The following RIMS2 variants were observed in gnomAD, a reference collection of about 807,000 sequenced individuals.
RIMS2 encodes regulating synaptic membrane exocytosis 2.
In RIMS2, 59 loss-of-function variants were observed where a neutral mutation model predicts 174.4. That is an observed-to-expected ratio of 0.34 (90% confidence interval 0.27 to 0.42). The LOEUF (loss-of-function observed/expected upper bound fraction) is 0.42. Among genes scored for constraint, RIMS2 ranks in the 10% least tolerant of loss-of-function variants. RIMS2 has a pLI of 1.00. For missense variants in RIMS2, 1,620 were observed against 1,666.3 expected (o/e 0.97, Z 0.48); for synonymous variants, 606 against 572.5 (o/e 1.06, Z -0.84).
At chr8:104,252,092 C>A, downstream of RIMS2, 2 of 469,088 alleles carry the variant, frequency 4.3e-6, no homozygotes. Flanking sequence ...ATGGATTAAT[C>A]TCAAAGAATC....
intron 14 of RIMS2, among the ~76,000 whole-genome samples, chr8:103,954,025 A>T (rs1048483068): frequency 2.0e-5 from 3 of 152,228 alleles, no homozygotes; most frequent in African/African-American, 7.2e-5. Flanking sequence ...ACATAATGGT[A>T]AAGGGTTCAA....
intron 1 of RIMS2, among the ~76,000 whole-genome samples, chr8:103,585,475 A>T (rs1302877963): frequency 2.0e-5 from 3 of 152,182 alleles, no homozygotes; most frequent in Non-Finnish European, 4.4e-5. Context: ...AAGACTTGAA[A>T]CCAACACAAA....
intron 1 of RIMS2, among the ~76,000 whole-genome samples, chr8:103,620,981 A>T (rs964270715): frequency 4.6e-5 from 7 of 152,212 alleles, no homozygotes; most frequent in African/African-American, 1.7e-4. Flanking sequence ...ATGTGACTAT[A>T]TTATATATTT....
chr8:104,240,608 T>C (rs1343704372), intron 19 of RIMS2, among the ~76,000 whole-genome samples: 2 of 152,206 alleles, frequency 1.3e-5, no homozygotes, highest in African/African-American at 4.8e-5. Flanking sequence ...CCTCAATGTA[T>C]GCTGTTAATC....
intron 1 of RIMS2, among the ~76,000 whole-genome samples, chr8:103,610,163 G>C (rs2095316742): frequency 6.6e-6 from 1 of 151,688 alleles, no homozygotes; most frequent in African/African-American, 2.4e-5. Flanking sequence ...AATGCCACTG[G>C]TTTTTGTACA....
chr8:103,734,194 G>A (rs1251211890), intron 2 of RIMS2, among the ~76,000 whole-genome samples: 1 of 151,350 alleles, frequency 6.6e-6, no homozygotes, highest in African/African-American at 2.4e-5. Context: ...TGTATTTTCA[G>A]TAGAGATGGG....
intron 1 of RIMS2, among the ~76,000 whole-genome samples, chr8:103,619,721 T>G (rs1000817488): frequency 1.3e-5 from 2 of 152,090 alleles, no homozygotes; most frequent in Admixed American, 6.6e-5. Context: ...CCAACCATTT[T>G]CTCGCTTCCT....
At chr8:103,898,797 A>G (rs1307023129) in intron 4 of RIMS2, among the ~76,000 whole-genome samples, 1 of 151,422 alleles carries the variant, frequency 6.6e-6, no homozygotes, top group Non-Finnish European at 1.5e-5. Flanking sequence ...ATATGTATAC[A>G]TGTGCCATGT....
At chr8:104,025,791 CT>C (rs1386358954) in intron 19 of RIMS2, among the ~76,000 whole-genome samples, 1 of 141,868 alleles carries the variant, frequency 7.0e-6, no homozygotes, top group Admixed American at 7.0e-5. Context: ...CAACAATAGT[CT>C]CATAATATTA....
downstream of RIMS2, chr8:104,255,380 C>T (rs1278538373): frequency 6.6e-6 from 1 of 151,938 alleles, no homozygotes; most frequent in Non-Finnish European, 1.5e-5. Flanking sequence ...ATATACATTC[C>T]TGTTATAAAA....
chr8:104,181,462 T>G (rs2098939166), intron 19 of RIMS2, among the ~76,000 whole-genome samples: 1 of 151,640 alleles, frequency 6.6e-6, no homozygotes, highest in Admixed American at 6.6e-5. Flanking sequence ...ATCTTTAATC[T>G]GAGCCGTCAA....
chr8:103,862,536 A>G (rs1159930941), intron 3 of RIMS2, among the ~76,000 whole-genome samples: 1 of 151,716 alleles, frequency 6.6e-6, no homozygotes, highest in Non-Finnish European at 1.5e-5. Context: ...TAAGAATTAC[A>G]TTGAGTCTGT....
At chr8:103,825,237 C>CT (rs1214672153) in intron 3 of RIMS2, among the ~76,000 whole-genome samples, 5 of 151,852 alleles carry the variant, frequency 3.3e-5, no homozygotes, top group African/African-American at 1.2e-4. Context: ...AGAAGGTAAT[C>CT]TTTTTTTGAT....
intron 19 of RIMS2, among the ~76,000 whole-genome samples, chr8:104,113,765 A>G (rs1008067431): frequency 2.0e-5 from 3 of 151,792 alleles, no homozygotes; most frequent in Admixed American, 1.3e-4. Flanking sequence ...TAGAGCTTTT[A>G]TGCTCCAGCC....
chr8:103,605,574 G>A (rs1162255828), intron 1 of RIMS2, among the ~76,000 whole-genome samples: 12 of 151,718 alleles, frequency 7.9e-5, no homozygotes, highest in Admixed American at 3.9e-4. Context: ...CAGAAGGAAT[G>A]GTACCAGTTC....
chr8:103,819,324 A>T, intron 3 of RIMS2: 1 of 1,437,270 alleles, frequency 7.0e-7, no homozygotes, highest in South Asian at 1.4e-5. Flanking sequence ...CTACGACTGA[A>T]TTAGAAGAAT....
At chr8:104,135,032 A>T (rs2098506796) in intron 19 of RIMS2, among the ~76,000 whole-genome samples, 1 of 152,130 alleles carries the variant, frequency 6.6e-6, no homozygotes, top group African/African-American at 2.4e-5. Flanking sequence ...AAATTCATGA[A>T]GTTTTTTTCA....
chr8:103,558,024 A>T (rs2090828262), intron 1 of RIMS2, among the ~76,000 whole-genome samples: 1 of 152,190 alleles, frequency 6.6e-6, no homozygotes, highest in African/African-American at 2.4e-5. Context: ...CTGTGATCTT[A>T]AAGTTTTCAA....
intron 19 of RIMS2, among the ~76,000 whole-genome samples, chr8:104,087,109 C>T (rs2097549417): frequency 6.6e-6 from 1 of 152,016 alleles, no homozygotes; most frequent in Non-Finnish European, 1.5e-5. Flanking sequence ...AATTAGGTGA[C>T]TAAACTCTAT....
Sources: allele counts gnomAD v4.1 joint callset (sites outside exome capture counted in the v4.1 genomes callset), GRCh38; gene constraint gnomAD v4.1.1; transcripts MANE v1.5; gene names NCBI Gene and HGNC (gene_info 2026-07-23, HGNC 2026-07-21).